Variants in BTBD8 observed in about 807,000 individuals in gnomAD.
BTBD8 encodes the protein BTB/POZ domain-containing protein 8.
A neutral mutation model predicts 162.9 loss-of-function variants in BTBD8; 110 were observed. The ratio of observed to expected loss-of-function variants is 0.68; its 90% CI spans 0.58 to 0.79. The LOEUF is 0.79. Among genes scored for constraint, BTBD8 ranks in the 30% least tolerant of loss-of-function variants. The pLI, the probability that BTBD8 is intolerant of heterozygous loss-of-function variation, is 0.00. For missense variants in BTBD8, 1,905 were observed against 2,085.4 expected (o/e 0.91, Z 1.68); for synonymous variants, 667 against 716.1 (o/e 0.93, Z 1.10).
At chr1:92,092,716 C>T (rs1361561390) in intron 2 of BTBD8, among the ~76,000 whole-genome samples, 1 of 152,182 alleles carries the variant, frequency 6.6e-6, no homozygotes, top group Non-Finnish European at 1.5e-5. Context: ...TGCCACTTAT[C>T]TGTTTTGACT....
intron 5 of BTBD8, among the ~76,000 whole-genome samples, chr1:92,135,107 T>C (rs2101935121): frequency 6.6e-6 from 1 of 152,136 alleles, no homozygotes; most frequent in East Asian, 1.9e-4. Context: ...ATCAGGCTGG[T>C]CTCGACCTCC....
At chr1:92,122,004 A>G (rs1649224444) in intron 4 of BTBD8, among the ~76,000 whole-genome samples, 3 of 151,664 alleles carry the variant, frequency 2.0e-5, no homozygotes, top group South Asian at 2.1e-4. Context: ...TTGTTTTCTT[A>G]TTATTGTGTT....
Position 92,088,915 on chromosome 1 carries a change from A to C in BTBD8, c.347+20A>C, listed in dbSNP as rs761252966. On this transcript the variant is annotated intron_variant, in intron 2 of 17. Coordinates refer to ENST00000636805, the MANE Select transcript of BTBD8 (RefSeq NM_001376131.1). ...TTTACAGTAAGTGCTTTCTTTATCC[A>C]TGTAAGTCTAATATGTAATTGCTTA... 1 of 1,562,502 alleles carries C rather than the reference A, an allele frequency of 6.4e-7. No individual in the cohort carries two copies. Among genetic ancestry groups the C allele is most frequent in the South Asian group, 1.2e-5 (1 of 84,662 alleles).
chr1:92,150,407 T>C (rs1188486775), intron 9 of BTBD8, among the ~76,000 whole-genome samples: 1 of 152,170 alleles, frequency 6.6e-6, no homozygotes, highest in Admixed American at 6.5e-5. Flanking sequence ...GAATAAATGT[T>C]TGCAAAGCAA....
At chr1:92,147,818 T>C (rs1194726110) in intron 9 of BTBD8, 32 bp downstream of exon 9, 1 of 1,538,730 alleles carries the variant, frequency 6.5e-7, no homozygotes, top group Non-Finnish European at 8.9e-7. Context: ...TTTTGTGTGT[T>C]TGCCATTAAA....
chr1:92,127,755 T>G (rs1649397956), intron 4 of BTBD8, among the ~76,000 whole-genome samples: 1 of 152,074 alleles, frequency 6.6e-6, no homozygotes, highest in Non-Finnish European at 1.5e-5. Flanking sequence ...GAGGTGGGCT[T>G]TTACCATGTT....
intron 9 of BTBD8, among the ~76,000 whole-genome samples, chr1:92,151,421 T>A (rs1318536618): frequency 2.0e-5 from 3 of 152,148 alleles, no homozygotes; most frequent in Admixed American, 2.0e-4. Context: ...GTATTGTTGC[T>A]TACTGTTTTA....
intron 5 of BTBD8, among the ~76,000 whole-genome samples, chr1:92,137,940 G>A (rs540165228): frequency 4.6e-5 from 7 of 152,312 alleles, no homozygotes; most frequent in African/African-American, 1.4e-4. Context: ...TCTTCCATAT[G>A]TCTGAAGAGC....
chr1:92,151,505 G>A (rs566255129), intron 9 of BTBD8, among the ~76,000 whole-genome samples: 1 of 152,026 alleles, frequency 6.6e-6, no homozygotes. Context: ...GAAGAGTCAG[G>A]TTCATTTCCT....
At chr1:92,144,728 T>C (rs1649867595) in intron 7 of BTBD8, among the ~76,000 whole-genome samples, 1 of 151,216 alleles carries the variant, frequency 6.6e-6, no homozygotes, top group Non-Finnish European at 1.5e-5. Flanking sequence ...GGAGGATCAC[T>C]TGAGCCCAGG....
intron 5 of BTBD8, among the ~76,000 whole-genome samples, chr1:92,137,370 A>G (rs1191928057): frequency 6.6e-6 from 1 of 152,212 alleles, no homozygotes; most frequent in Non-Finnish European, 1.5e-5. Context: ...GGATACGGTC[A>G]TAGTACAGAT....
At chr1:92,137,155 A>T (rs1400071738) in intron 5 of BTBD8, among the ~76,000 whole-genome samples, 1 of 152,058 alleles carries the variant, frequency 6.6e-6, no homozygotes, top group East Asian at 1.9e-4. Context: ...GAGAGGGAGA[A>T]CTGGAGGTCA....
chr1:92,153,277 G>T lies in BTBD8; in HGVS notation c.1122+5491G>T, dbSNP rs1004281088. ...TTTCTTCTTAATGTGACTTTTACCT[G>T]TGGGAAGTAGTTTATTTTATATATG... On this transcript the variant is annotated intron_variant, in intron 9 of 17. Transcript: ENST00000636805. Among the ~76,000 whole-genome samples, 3 of 152,096 alleles carry T rather than the reference G, an allele frequency of 2.0e-5. No individual in the cohort carries two copies. In the East Asian group the frequency reaches 5.8e-4, roughly 29 times the overall value.
intron 9 of BTBD8, among the ~76,000 whole-genome samples, chr1:92,157,675 C>G (rs1302765490): frequency 7.1e-6 from 1 of 140,954 alleles, no homozygotes; most frequent in Non-Finnish European, 1.5e-5. Context: ...TTTTTTTTTT[C>G]TTGGTAGGGA....
chr1:92,171,828 C>A (rs139740704), intron 13 of BTBD8, among the ~76,000 whole-genome samples: 2 of 152,216 alleles, frequency 1.3e-5, no homozygotes, highest in Non-Finnish European at 2.9e-5. Flanking sequence ...TGGTGGCTCA[C>A]GCCTGTAATC....
chr1:92,164,111 G>T (rs949932077), intron 9 of BTBD8, among the ~76,000 whole-genome samples: 1 of 152,134 alleles, frequency 6.6e-6, no homozygotes, highest in Non-Finnish European at 1.5e-5. Flanking sequence ...AAACGACAAT[G>T]GTCCTAAAAA....
At position 92,169,076 on chromosome 1, in the gene BTBD8, A is replaced by G. The variant is rs995555521; in HGVS notation, c.1573+81A>G. ...TATTTTGAGGGCATTCTGATAAGTG[A>G]AAAGGTTAACATTTGTGTGCTTCTG... On this transcript the variant is annotated intron_variant, in intron 12 of 17. Coordinates refer to ENST00000636805, the MANE Select transcript of BTBD8 (RefSeq NM_001376131.1). The G allele has an allele frequency of 1.3e-5, 18 of 1,341,930 alleles. No individual in the cohort carries two copies. The African/African-American group carries it at 2.1e-4, about 16-fold the overall frequency. The allele number at this position is 1,341,930 out of a possible 1,614,324, so 83.1% of individuals were successfully genotyped here. A position where few individuals can be genotyped will look rare whatever the true frequency, so the allele number is the denominator to read the frequency against.
chr1:92,084,407 C>T (rs1648100233), intron 1 of BTBD8, among the ~76,000 whole-genome samples: 2 of 152,134 alleles, frequency 1.3e-5, no homozygotes, highest in Admixed American at 1.3e-4. Flanking sequence ...GTCGCCATCC[C>T]AGAGATTCGT....
At chr1:92,133,361 A>G (rs1290129840) in intron 5 of BTBD8, among the ~76,000 whole-genome samples, 1 of 152,206 alleles carries the variant, frequency 6.6e-6, no homozygotes, top group Non-Finnish European at 1.5e-5. Flanking sequence ...GCTCATTAAT[A>G]TTGACTGTTC....
Sources: allele counts gnomAD v4.1 joint callset (sites outside exome capture counted in the v4.1 genomes callset), GRCh38; gene constraint gnomAD v4.1.1; transcripts MANE v1.5; gene names NCBI Gene and HGNC (gene_info 2026-07-23, HGNC 2026-07-21).